QTMAN: variants seen among roughly 807,000 people sequenced by gnomAD.
QTMAN encodes tRNA-queuosine alpha-mannosyltransferase.
chr2:144,117,819 A>G, the QTMAN span, among the ~76,000 whole-genome samples: 5 of 151,780 alleles, frequency 3.3e-5, no homozygotes, highest in African/African-American at 1.2e-4. Flanking sequence ...TCTAAAACCT[A>G]TAGTATACTA....
chr2:144,068,899 T>C, the QTMAN span, among the ~76,000 whole-genome samples: 59 of 152,308 alleles, frequency 3.9e-4, no homozygotes, highest in East Asian at 5.0e-3. Flanking sequence ...ATGTGTTAGG[T>C]AAGAGCCAAG....
the QTMAN span, among the ~76,000 whole-genome samples, chr2:144,144,332 T>C: frequency 2.6e-4 from 40 of 151,926 alleles, no homozygotes; most frequent in Non-Finnish European, 4.9e-4. Context: ...CTGATATGAG[T>C]GGATGTAACT....
chr2:144,012,640 G>T, the QTMAN span, among the ~76,000 whole-genome samples: 1 of 152,122 alleles, frequency 6.6e-6, no homozygotes, highest in Non-Finnish European at 1.5e-5. Context: ...CTTTTTGAGA[G>T]ATTTTAATAA....
chr2:144,092,153 G>A, the QTMAN span, among the ~76,000 whole-genome samples: 1 of 151,428 alleles, frequency 6.6e-6, no homozygotes, highest in Non-Finnish European at 1.5e-5. Flanking sequence ...GTATACATAC[G>A]TCAACATTTA....
chr2:144,007,421 C>T, the QTMAN span: 5 of 1,613,238 alleles, frequency 3.1e-6, no homozygotes, highest in South Asian at 4.4e-5. Context: ...TCAATAAATC[C>T]TCTGAATCTC....
the QTMAN span, among the ~76,000 whole-genome samples, chr2:144,214,249 C>T: frequency 1.3e-4 from 20 of 152,152 alleles, no homozygotes; most frequent in Admixed American, 7.2e-4. Flanking sequence ...ATATATTCTA[C>T]AAAAAAGTTA....
At chr2:144,040,423 T>C in the QTMAN span, among the ~76,000 whole-genome samples, 1 of 152,084 alleles carries the variant, frequency 6.6e-6, no homozygotes, top group East Asian at 1.9e-4. Flanking sequence ...GAATAAAAAA[T>C]GCTCAAAATT....
the QTMAN span, among the ~76,000 whole-genome samples, chr2:144,161,112 G>C: frequency 6.6e-6 from 1 of 152,046 alleles, no homozygotes; most frequent in Non-Finnish European, 1.5e-5. Context: ...TACTGAAATC[G>C]AGTACCAGCC....
the QTMAN span, among the ~76,000 whole-genome samples, chr2:144,216,171 T>C: frequency 6.6e-6 from 1 of 152,230 alleles, no homozygotes; most frequent in Non-Finnish European, 1.5e-5. Flanking sequence ...GTTCAACTAA[T>C]GAACTTTTGT....
At chr2:144,149,006 A>C in the QTMAN span, among the ~76,000 whole-genome samples, 2 of 151,904 alleles carry the variant, frequency 1.3e-5, no homozygotes, top group Non-Finnish European at 2.9e-5. Flanking sequence ...TAGCTCAACA[A>C]CACCCAAAAA....
the QTMAN span, among the ~76,000 whole-genome samples, chr2:144,030,814 A>G: frequency 0.1 from 15,849 of 152,148 alleles, 1,272 homozygotes; most frequent in East Asian, 0.26. Context: ...GGGGCACTAC[A>G]AAGCTCTGGG....
the QTMAN span, among the ~76,000 whole-genome samples, chr2:144,050,807 A>C: frequency 1.3e-5 from 2 of 151,906 alleles, no homozygotes; most frequent in Admixed American, 6.6e-5. Flanking sequence ...ACACACATTT[A>C]TTGCTATGTA....
At chr2:144,063,212 C>A in the QTMAN span, among the ~76,000 whole-genome samples, 2 of 152,020 alleles carry the variant, frequency 1.3e-5, no homozygotes, top group Non-Finnish European at 2.9e-5. Context: ...GGATTAAGTC[C>A]CTTAATCCAG....
the QTMAN span, among the ~76,000 whole-genome samples, chr2:144,126,989 T>A: frequency 6.6e-6 from 1 of 152,032 alleles, no homozygotes; most frequent in African/African-American, 2.4e-5. Flanking sequence ...GACAAATACA[T>A]CTAAGACATA....
At chr2:144,110,688 C>CCA in the QTMAN span, among the ~76,000 whole-genome samples, 49 of 132,972 alleles carry the variant, frequency 3.7e-4, no homozygotes, top group Non-Finnish European at 6.0e-4. Flanking sequence ...GACCCCCCCC[C>CCA]AAAAAAAAAA....
At chr2:144,211,717 A>G in the QTMAN span, 1 of 152,604 alleles carries the variant, frequency 6.6e-6, no homozygotes, top group Non-Finnish European at 1.5e-5. Context: ...TTTGTTTTAG[A>G]AAACTGCTTG....
At chr2:144,296,118 G>C in the QTMAN span, among the ~76,000 whole-genome samples, 1 of 152,174 alleles carries the variant, frequency 6.6e-6, no homozygotes, top group African/African-American at 2.4e-5. Context: ...GAAGTAATGA[G>C]AGACTCAGGA....
At chr2:144,226,671 T>C in the QTMAN span, among the ~76,000 whole-genome samples, 4 of 152,100 alleles carry the variant, frequency 2.6e-5, no homozygotes, top group Non-Finnish European at 2.9e-5. Context: ...ACAGACTGTT[T>C]TAGTAATTAA....
the QTMAN span, among the ~76,000 whole-genome samples, chr2:144,038,040 A>T: frequency 0.016 from 2,465 of 152,342 alleles, 36 homozygotes; most frequent in South Asian, 0.034. Flanking sequence ...CTGTATCTTC[A>T]TCAAGAGAAT....
Sources: gnomAD v4.1 joint callset for allele counts (sites outside exome capture counted in the v4.1 genomes callset) on GRCh38, gnomAD v4.1.1 for gene constraint, MANE v1.5 for transcripts, NCBI Gene and HGNC (gene_info 2026-07-23, HGNC 2026-07-21) for gene names.